Variants in SAMHD1 observed in about 807,000 individuals in gnomAD.
The protein encoded by SAMHD1 is SAM and HD domain containing deoxynucleoside triphosphate triphosphohydrolase 1.
Under a neutral mutation model 79.6 loss-of-function variants are expected in SAMHD1, and 54 were observed. That is an observed-to-expected ratio of 0.68 (90% CI 0.55 to 0.85). The LOEUF (loss-of-function observed/expected upper bound fraction) is 0.85. SAMHD1 is among the 40% of genes least tolerant of loss of function. The pLI, the probability that SAMHD1 is intolerant of heterozygous loss-of-function variation, is 0.00. For synonymous variants in SAMHD1, 260 were observed against 264.1 expected (o/e 0.98, Z 0.15); for missense variants, 663 against 782.7 (o/e 0.85, Z 1.82).
At chr20:36,940,721 A>G in intron 3 of SAMHD1, 1 of 389,358 alleles carries the variant, frequency 2.6e-6, no homozygotes, top group Non-Finnish European at 4.8e-6. Context: ...AGAATGTACA[A>G]AGGAGGTCTT....
rs1568782267 is a variant in SAMHD1, at chr20:36,940,821, CT to C, written c.348+217del. The C allele has an allele frequency of 1.0e-5, 6 of 589,120 alleles. No individual in the cohort carries two copies. The South Asian group carries it at 1.2e-4, about 12-fold the overall frequency. The allele number at this position is 589,120 out of a possible 1,614,324, so 36.5% of individuals were successfully genotyped here. The stretch of plus-strand genomic sequence containing the variant: ...ATTTGACAAGTTGGGTAGTGGTCTA[CT>C]TATGCTTTTCTGTATGCTTAAACAT... On this transcript the variant is annotated intron_variant, in intron 3 of 15. Transcript: ENST00000646673.
intron 4 of SAMHD1, among the ~76,000 whole-genome samples, chr20:36,933,813 G>T (rs1035374997): frequency 6.6e-6 from 1 of 152,094 alleles, no homozygotes; most frequent in Non-Finnish European, 1.5e-5. Flanking sequence ...TTGAGAGGCC[G>T]AGGCGGGCGG....
chr20:36,937,356 G>GA (rs1288076322), intron 3 of SAMHD1, among the ~76,000 whole-genome samples: 1 of 151,436 alleles, frequency 6.6e-6, no homozygotes, highest in African/African-American at 2.4e-5. Context: ...AGACACAAAT[G>GA]AACAAAAAAA....
At chr20:36,894,587 T>C (rs183605171) in intron 15 of SAMHD1, among the ~76,000 whole-genome samples, 1 of 151,384 alleles carries the variant, frequency 6.6e-6, no homozygotes, top group East Asian at 2.0e-4. Flanking sequence ...GGCAACATGG[T>C]GAGACCCCGT....
chr20:36,923,709 G>A (rs1021845785), intron 6 of SAMHD1, among the ~76,000 whole-genome samples: 1 of 152,140 alleles, frequency 6.6e-6, no homozygotes, highest in Non-Finnish European at 1.5e-5. Flanking sequence ...CAGCTACTTG[G>A]GAGGCTGAGA....
chr20:36,940,647 TG>T, intron 3 of SAMHD1: 3 of 267,476 alleles, frequency 1.1e-5, no homozygotes, highest in South Asian at 3.9e-5. Context: ...TGGAGTGAGC[TG>T]AGATTGCACC....
intron 6 of SAMHD1, among the ~76,000 whole-genome samples, chr20:36,926,260 T>A (rs1263107175): frequency 6.6e-6 from 1 of 152,054 alleles, no homozygotes; most frequent in Non-Finnish European, 1.5e-5. Flanking sequence ...AAAAAAAGGA[T>A]CAACTACTGA....
chr20:36,928,829 G>T (rs2146129771), intron 5 of SAMHD1, among the ~76,000 whole-genome samples: 1 of 152,270 alleles, frequency 6.6e-6, no homozygotes, highest in South Asian at 2.1e-4. Context: ...GGCTGAGGCG[G>T]GTGGATCACC....
At chr20:36,945,752 A>T (rs765340984) in intron 2 of SAMHD1, among the ~76,000 whole-genome samples, 2 of 151,634 alleles carry the variant, frequency 1.3e-5, no homozygotes, top group Non-Finnish European at 2.9e-5. Flanking sequence ...CTCTACTAAA[A>T]ATACAAAACT....
chr20:36,933,144 C>T (rs753570575), intron 4 of SAMHD1, among the ~76,000 whole-genome samples: 2 of 152,118 alleles, frequency 1.3e-5, no homozygotes, highest in Non-Finnish European at 2.9e-5. Flanking sequence ...TGAGTATAGA[C>T]ACATGTTGTG....
At chr20:36,916,537 TCC>T (rs2063476910) in intron 9 of SAMHD1, 183 bp downstream of exon 9, 1 of 571,744 alleles carries the variant, frequency 1.7e-6, no homozygotes, top group African/African-American at 1.9e-5. Context: ...TTAATAAATG[TCC>T]ATGTTAATTT....
At chr20:36,907,264 TTTTG>T (rs1171508833) in intron 11 of SAMHD1, among the ~76,000 whole-genome samples, 10 of 148,178 alleles carry the variant, frequency 6.7e-5, no homozygotes, top group African/African-American at 2.5e-4. Context: ...CTAAATTTTT[TTTTG>T]TTTGTTTTTG....
chr20:36,905,571 A>C, intron 11 of SAMHD1, 68 bp from the exon 12 acceptor site: 1 of 1,322,984 alleles, frequency 7.6e-7, no homozygotes, highest in Non-Finnish European at 1.1e-6. Context: ...ATATAGTGCT[A>C]TTCTATTGAA....
chr20:36,909,673 C>A (rs1329161418), intron 11 of SAMHD1, among the ~76,000 whole-genome samples: 2 of 111,336 alleles, frequency 1.8e-5, no homozygotes, highest in East Asian at 4.9e-4. Context: ...CTCTGTCCAC[C>A]CCCCTCCAAA....
chr20:36,942,863 A>G (rs1264705046), intron 2 of SAMHD1, among the ~76,000 whole-genome samples: 1 of 151,988 alleles, frequency 6.6e-6, no homozygotes, highest in East Asian at 1.9e-4. Flanking sequence ...TCACCATGTT[A>G]GCCAGGATGG....
rs1990058552 is a variant in SAMHD1, at chr20:36,890,854, T to G, written c.*2078A>C. 1.3e-5 allele frequency: 2 copies of G among 152,162 alleles called. No individual in the cohort carries two copies. Among genetic ancestry groups the G allele is most frequent in the South Asian group, 4.1e-4 (2 of 4,828 alleles). The allele number at this position is 152,162 out of a possible 1,614,324, so 9.4% of individuals were successfully genotyped here. On this transcript the variant is annotated 3_prime_UTR_variant, in exon 16 of 16. Transcript: ENST00000646673. ...GCAAAGAACATAAAGTACAGCTGCG[T>G]TACATGTAACAAAAGATGCAAACAA... is the stretch of plus-strand genomic sequence containing the variant.
intron 13 of SAMHD1, among the ~76,000 whole-genome samples, chr20:36,901,092 G>A (rs1387787527): frequency 1.3e-5 from 2 of 152,156 alleles, no homozygotes; most frequent in Non-Finnish European, 2.9e-5. Flanking sequence ...TATCTGGAGA[G>A]GAATCTGGTG....
intron 10 of SAMHD1, 174 bp downstream of exon 10, chr20:36,912,287 T>A: frequency 1.7e-6 from 1 of 594,870 alleles, no homozygotes; most frequent in Non-Finnish European, 3.0e-6. Context: ...TCCCTCCTTT[T>A]CCTCCAACTA....
intron 3 of SAMHD1, among the ~76,000 whole-genome samples, chr20:36,936,648 T>C (rs1269213918): frequency 6.6e-6 from 1 of 152,034 alleles, no homozygotes; most frequent in Non-Finnish European, 1.5e-5. Flanking sequence ...AAGCCTTCAC[T>C]GTAAATTTTT....
Sources: gnomAD v4.1 joint callset for allele counts (sites outside exome capture counted in the v4.1 genomes callset) on GRCh38, gnomAD v4.1.1 for gene constraint, MANE v1.5 for transcripts, NCBI Gene and HGNC (gene_info 2026-07-23, HGNC 2026-07-21) for gene names.